The following ADAM9 variants were observed in gnomAD, a reference collection of about 807,000 sequenced individuals.
ADAM9 encodes the protein disintegrin and metalloproteinase domain-containing protein 9.
A neutral mutation model predicts 108.1 loss-of-function variants in ADAM9; 54 were observed. That is an observed-to-expected ratio of 0.50 (90% CI 0.40 to 0.63). The LOEUF (loss-of-function observed/expected upper bound fraction) is 0.63. ADAM9 is among the 20% of genes least tolerant of loss of function. The pLI, the probability that ADAM9 is intolerant of heterozygous loss-of-function variation, is 0.00. For missense variants in ADAM9, 830 were observed against 997.7 expected (o/e 0.83, Z 2.26); for synonymous variants, 316 against 336.0 (o/e 0.94, Z 0.65).
chr8:39,042,040 G>C lies in ADAM9; in HGVS notation c.1225G>C (p.Asp409His), dbSNP rs769713509. ...CTGCCTTCTTAATATTCCAAAGCCT[G>C]ATGAAGCCTATAGTGCTCCCTCCTG... ...GNCLLNIPKP[D>H]EAYSAPSCGN... Residue 409 changes from aspartate to histidine, a missense_variant, in exon 12 of 22, where the codon GAT (aspartate) becomes CAT (histidine). Around this residue, in one of 3 missense-constraint regions of ADAM9, gnomAD observed 381 missense variants for 539.8 expected, o/e 0.71. Transcript: ENST00000487273. 6.2e-7 allele frequency: 1 copy of C among 1,614,144 alleles called. No individual in the cohort carries two copies. The highest frequency in any genetic ancestry group is 8.5e-7 in the Non-Finnish European group (1 of 1,179,970).
chr8:39,096,868 T>C (rs1839522481), intron 20 of ADAM9, among the ~76,000 whole-genome samples: 1 of 152,212 alleles, frequency 6.6e-6, no homozygotes, highest in Non-Finnish European at 1.5e-5. Flanking sequence ...TTTGTTGATA[T>C]TCTCATTTTG....
At chr8:39,081,687 C>T (rs918092507) in intron 16 of ADAM9, among the ~76,000 whole-genome samples, 14 of 152,100 alleles carry the variant, frequency 9.2e-5, no homozygotes, top group African/African-American at 3.4e-4. Context: ...TTTAAAAGTA[C>T]AATTCTGTTT....
rs138930471 is a variant in ADAM9 at position 39,041,229 on chromosome 8, C to T, written c.1131-717C>T. ...TTATAGTTATTGAGTAAAGTAGTAG[C>T]TAAAAAAAAAATCCCAGGTAGAACA... is the stretch of plus-strand genomic sequence containing the variant. On this transcript the variant is annotated intron_variant, in intron 11 of 21. Coordinates refer to ENST00000487273, the MANE Select transcript of ADAM9 (RefSeq NM_003816.3). 6.8e-3 allele frequency among the ~76,000 whole-genome samples: 1,033 copies of T among 151,708 alleles called. 8 individuals carry two copies. Among genetic ancestry groups the T allele is most frequent in the Middle Eastern group, 0.048 (14 of 292 alleles).
chr8:39,007,841 G>C, intron 1 of ADAM9, 45 bp from the exon 2 acceptor site: 2 of 1,353,296 alleles, frequency 1.5e-6, no homozygotes, highest in Non-Finnish European at 2.1e-6. Flanking sequence ...TTCCCACGTA[G>C]TTTTTCAGTT....
chr8:39,012,117 AG>A (rs1348548380), intron 3 of ADAM9, among the ~76,000 whole-genome samples: 2 of 152,214 alleles, frequency 1.3e-5, no homozygotes, highest in African/African-American at 4.8e-5. Context: ...GGACAAAGAA[AG>A]TGCAGGCAGT....
At chr8:39,045,394 ACACACACCTATATGTGCG>A (rs1263657656) in intron 12 of ADAM9, among the ~76,000 whole-genome samples, 4 of 112,636 alleles carry the variant, frequency 3.6e-5, no homozygotes, top group Non-Finnish European at 5.5e-5. Context: ...AGGTGTGTGT[ACACACACCTATATGTGCG>A]CGTGTGTACA....
intron 14 of ADAM9, among the ~76,000 whole-genome samples, chr8:39,065,576 C>T (rs1420982359): frequency 1.4e-5 from 2 of 141,108 alleles, no homozygotes; most frequent in Non-Finnish European, 3.0e-5. Context: ...AGGAGAATGG[C>T]GTGAACCCGG....
intron 16 of ADAM9, among the ~76,000 whole-genome samples, chr8:39,080,730 G>T (rs1339085544): frequency 6.6e-6 from 1 of 152,116 alleles, no homozygotes; most frequent in Non-Finnish European, 1.5e-5. Context: ...TAAACGTGGG[G>T]TAGGGGGAAA....
chr8:39,082,999 A>G lies in ADAM9; in HGVS notation c.1994A>G (p.Glu665Gly). Residue 665 changes from glutamate (E) to glycine (G), a missense_variant, in exon 18 of 22, where the codon GAA becomes GGA. Coordinates refer to ENST00000487273, the MANE Select transcript of ADAM9 (RefSeq NM_003816.3). ...AATAGCAATAAGAATTGTCACTGTG[A>G]AAATGGCTGGGCTCCCCCAAATTGT... ...VCNSNKNCHC[E>G]NGWAPPNCET... 1 of 1,613,940 alleles carries G rather than the reference A, an allele frequency of 6.2e-7. No individual in the cohort carries two copies. The highest frequency in any genetic ancestry group is 8.5e-7 in the Non-Finnish European group (1 of 1,179,828).
At chr8:39,079,017 G>T (rs1417857276) in intron 16 of ADAM9, among the ~76,000 whole-genome samples, 2 of 152,138 alleles carry the variant, frequency 1.3e-5, no homozygotes, top group Non-Finnish European at 2.9e-5. Flanking sequence ...TCCAGACGAG[G>T]TGAGAGAAAA....
chr8:39,038,795 T>C lies in ADAM9; in HGVS notation c.1131-3151T>C, dbSNP rs988871432. Among the ~76,000 whole-genome samples, 147 of 152,362 alleles carry C rather than the reference T, an allele frequency of 9.6e-4. 1 individual carries two copies. Among genetic ancestry groups the C allele is most frequent in the Non-Finnish European group, 7.6e-4 (52 of 68,026 alleles). ...AAAGAATAAGGAAGACAAGTCTTTC[T>C]GTTATTGACAAAAGCCTTGTGCTAA... is the stretch of plus-strand genomic sequence containing the variant. On this transcript the variant is annotated intron_variant, in intron 11 of 21. Coordinates refer to ENST00000487273, the MANE Select transcript of ADAM9 (RefSeq NM_003816.3).
chr8:39,057,702 G>A (rs1838170499), intron 14 of ADAM9, among the ~76,000 whole-genome samples: 1 of 152,134 alleles, frequency 6.6e-6, no homozygotes, highest in Non-Finnish European at 1.5e-5. Flanking sequence ...TTACTTGAGG[G>A]AGGACTGGCC....
At chr8:39,057,248 C>T (rs1838153551) in intron 14 of ADAM9, among the ~76,000 whole-genome samples, 1 of 151,734 alleles carries the variant, frequency 6.6e-6, no homozygotes, top group Non-Finnish European at 1.5e-5. Flanking sequence ...CAACTCATTT[C>T]TCAGATCATA....
chr8:39,047,663 A>T (rs1837816428), intron 12 of ADAM9, among the ~76,000 whole-genome samples: 1 of 151,038 alleles, frequency 6.6e-6, no homozygotes, highest in African/African-American at 2.4e-5. Context: ...TCTGATTTTG[A>T]GTCTTCTCTT....
At chr8:39,078,016 T>A (rs1243583783) in intron 16 of ADAM9, among the ~76,000 whole-genome samples, 1 of 152,016 alleles carries the variant, frequency 6.6e-6, no homozygotes, top group Non-Finnish European at 1.5e-5. Context: ...ACAAGAGATA[T>A]GAGGGAGCAG....
Position 39,032,579 on chromosome 8 carries a change from G to C in ADAM9, c.1130+5769G>C, listed in dbSNP as rs1019277358. Among the ~76,000 whole-genome samples the C allele has an allele frequency of 2.0e-5, 3 of 152,258 alleles. No homozygotes were observed. The East Asian group carries it at 5.8e-4, about 29-fold the overall frequency. ...AATTTTCCAGGTACAGTCTGTCACGGCTTCCCTTGGCTAGGAGAGGGAAAT... is the reference window on the plus strand; with the variant it reads ...AATTTTCCAGGTACAGTCTGTCACGCCTTCCCTTGGCTAGGAGAGGGAAAT... On this transcript the variant is annotated intron_variant, in intron 11 of 21. Transcript: ENST00000487273.
At chr8:39,103,336 CT>C (rs35241680) in intron 21 of ADAM9, among the ~76,000 whole-genome samples, 310 of 142,384 alleles carry the variant, frequency 2.2e-3, no homozygotes, top group Middle Eastern at 3.6e-3. Context: ...ATTTCATGTG[CT>C]TTTTTTTTTT....
chr8:39,084,211 C>G (rs1023970917), intron 18 of ADAM9, among the ~76,000 whole-genome samples: 1 of 151,986 alleles, frequency 6.6e-6, no homozygotes, highest in African/African-American at 2.4e-5. Flanking sequence ...CTTTGCATGT[C>G]ACTGATTCAA....
chr8:39,058,371 G>A lies in ADAM9; in HGVS notation c.1591+2599G>A, dbSNP rs145697818. Among the ~76,000 whole-genome samples the A allele has an allele frequency of 8.6e-4, 131 of 152,258 alleles. 1 individual carries two copies. Among genetic ancestry groups the A allele is most frequent in the East Asian group, 7.1e-3 (37 of 5,184 alleles). On this transcript the variant is annotated intron_variant, in intron 14 of 21. Coordinates refer to ENST00000487273, the MANE Select transcript of ADAM9 (RefSeq NM_003816.3). ...TATTCCCTTTGCCTTCAGCAAGCAC[G>A]TTAGCTGTTTGTGGTTCTTTACCTG...
Sources: allele counts gnomAD v4.1 joint callset (sites outside exome capture counted in the v4.1 genomes callset), GRCh38; gene constraint gnomAD v4.1.1; regional missense constraint gnomAD v4.1.1; transcripts MANE v1.5; gene names NCBI Gene and HGNC (gene_info 2026-07-23, HGNC 2026-07-21).